Variants in PCSK5 observed in about 807,000 individuals in gnomAD.
PCSK5 encodes proprotein convertase subtilisin/kexin type 5.
A neutral mutation model predicts 233.2 loss-of-function variants in PCSK5; 129 were observed. The ratio of observed to expected loss-of-function variants is 0.55; its 90% confidence interval spans 0.48 to 0.64. PCSK5 has a LOEUF of 0.64. Ranked by LOEUF, PCSK5 falls within the 30% of genes least tolerant of loss-of-function variation. The pLI, the probability that PCSK5 is intolerant of heterozygous loss-of-function variation, is 0.00. For synonymous variants in PCSK5, 825 were observed against 879.2 expected, an observed-to-expected ratio of 0.94 and a Z score of 1.09; for missense variants, 2,076 against 2,430.1, an observed-to-expected ratio of 0.85 and a Z score of 3.06.
At chr9:76,168,221 G>A (rs1191344940) in intron 12 of PCSK5, among the ~76,000 whole-genome samples, 2 of 152,114 alleles carry the variant, frequency 1.3e-5, no homozygotes, top group Non-Finnish European at 2.9e-5. Flanking sequence ...GCATGATCTA[G>A]GCTCACTGCA....
At chr9:76,254,473 TAAA>T (rs76446171) in intron 24 of PCSK5, among the ~76,000 whole-genome samples, 1 of 143,232 alleles carries the variant, frequency 7.0e-6, no homozygotes, top group African/African-American at 2.5e-5. Context: ...AGTCACTATT[TAAA>T]AAAAAAAAAA....
intron 5 of PCSK5, among the ~76,000 whole-genome samples, chr9:76,044,441 T>C (rs1829293832): frequency 6.6e-6 from 1 of 152,186 alleles, no homozygotes; most frequent in African/African-American, 2.4e-5. Flanking sequence ...AAGTCTGATA[T>C]TGGGAAAGAA....
At chr9:76,047,022 A>G (rs1485619036) in intron 5 of PCSK5, among the ~76,000 whole-genome samples, 1 of 152,178 alleles carries the variant, frequency 6.6e-6, no homozygotes, top group East Asian at 1.9e-4. Flanking sequence ...TCTAAGTGTG[A>G]TATCACACCT....
chr9:76,111,874 T>C lies in PCSK5; in HGVS notation c.1208+4523T>C, dbSNP rs182623842. ...GTATATGTTCCCAGTGCTATAGATC[T>C]ATCAGGGGGAAAAAAATAAAAGAGC... On this transcript the variant is annotated intron_variant, in intron 9 of 37. Transcript: ENST00000674117. 7.5e-3 allele frequency among the ~76,000 whole-genome samples: 1,144 copies of C among 152,262 alleles called. 14 individuals are homozygous for C. The highest frequency in any genetic ancestry group is 0.026 in the African/African-American group (1,096 of 41,558).
intron 35 of PCSK5, among the ~76,000 whole-genome samples, chr9:76,344,398 T>A (rs1047175620): frequency 2.6e-5 from 4 of 152,202 alleles, no homozygotes; most frequent in Non-Finnish European, 4.4e-5. Flanking sequence ...TACCATATCA[T>A]GGTTCCCAGT....
At chr9:75,927,997 A>G (rs1383301545) in intron 1 of PCSK5, among the ~76,000 whole-genome samples, 8 of 152,192 alleles carry the variant, frequency 5.3e-5, no homozygotes. Flanking sequence ...GAGATAGGAA[A>G]ATTCTGGGTG....
intron 2 of PCSK5, among the ~76,000 whole-genome samples, chr9:75,973,544 T>C (rs989409792): frequency 6.6e-6 from 1 of 152,174 alleles, no homozygotes; most frequent in Non-Finnish European, 1.5e-5. Flanking sequence ...ATAGCCACTG[T>C]GGGGACTAGA....
intron 16 of PCSK5, 145 bp downstream of exon 16, chr9:76,181,736 T>G: frequency 1.7e-6 from 1 of 589,504 alleles, no homozygotes; most frequent in Non-Finnish European, 3.0e-6. Flanking sequence ...AAGAGAACCC[T>G]TTAGAAGCTT....
chr9:75,972,660 A>G lies in PCSK5; in HGVS notation c.298-13472A>G, dbSNP rs576440451. ...AGCCATTGTGAATGGGAGTTCATTA[A>G]TGATTTAGCTCTCTGCTTGTCTATT... On this transcript the variant is annotated intron_variant, in intron 2 of 37. Transcript: ENST00000674117. Among the ~76,000 whole-genome samples, 12 of 152,282 alleles carry G rather than the reference A, an allele frequency of 7.9e-5. No homozygotes were observed. In the East Asian group the frequency reaches 2.1e-3, roughly 27 times the overall value.
intron 8 of PCSK5, among the ~76,000 whole-genome samples, chr9:76,106,142 T>C (rs969480657): frequency 5.3e-5 from 8 of 152,230 alleles, no homozygotes; most frequent in Admixed American, 1.3e-4. Flanking sequence ...TTCTGGGACC[T>C]TTCATGACCG....
At chr9:76,080,162 T>A (rs940699774) in intron 7 of PCSK5, among the ~76,000 whole-genome samples, 1 of 152,148 alleles carries the variant, frequency 6.6e-6, no homozygotes, top group Non-Finnish European at 1.5e-5. Context: ...CCATTATCTC[T>A]TGAAGGCACT....
At position 76,167,615 on chromosome 9, in the gene PCSK5, A is replaced by G. The variant is rs189733167; in HGVS notation, c.1620-2089A>G. On this transcript the variant is annotated intron_variant, in intron 12 of 37. Transcript: ENST00000674117. ...TTAGAATCCTGCTGGCATTTTAGAA[A>G]GAGCCTCAGACACACTGATAAAATA... Among the ~76,000 whole-genome samples, 342 of 152,336 alleles carry G rather than the reference A, an allele frequency of 2.2e-3. 3 individuals carry two copies. The highest frequency in any genetic ancestry group is 3.9e-3 in the Non-Finnish European group (266 of 68,028).
intron 24 of PCSK5, among the ~76,000 whole-genome samples, chr9:76,282,539 A>T (rs1827915231): frequency 6.6e-6 from 1 of 151,852 alleles, no homozygotes; most frequent in South Asian, 2.1e-4. Flanking sequence ...GCTGATCTCA[A>T]ACTCCTGGGC....
chr9:75,902,214 T>TAAAAAAA (rs200579439), intron 1 of PCSK5, among the ~76,000 whole-genome samples: 707 of 53,142 alleles, frequency 0.013, 26 homozygotes, highest in Non-Finnish European at 0.017. Flanking sequence ...AGACACCATC[T>TAAAAAAA]AAAAAAAAAA....
intron 23 of PCSK5, among the ~76,000 whole-genome samples, chr9:76,239,999 C>A (rs1826380532): frequency 6.6e-6 from 1 of 152,080 alleles, no homozygotes. Flanking sequence ...TTCTGTGAAT[C>A]GTATGTGTTA....
intron 2 of PCSK5, among the ~76,000 whole-genome samples, chr9:75,983,159 T>G (rs1826353464): frequency 6.6e-6 from 1 of 152,200 alleles, no homozygotes; most frequent in Non-Finnish European, 1.5e-5. Flanking sequence ...TGTGTTTTAA[T>G]TATTATAATA....
intron 2 of PCSK5, among the ~76,000 whole-genome samples, chr9:75,954,431 G>C (rs1825005819): frequency 6.6e-6 from 1 of 152,154 alleles, no homozygotes; most frequent in African/African-American, 2.4e-5. Flanking sequence ...CCCGCTCCTA[G>C]TATTAGAGGA....
At chr9:76,289,513 A>AAC (rs1828211833) in intron 24 of PCSK5, among the ~76,000 whole-genome samples, 5 of 75,852 alleles carry the variant, frequency 6.6e-5, no homozygotes, top group South Asian at 4.6e-4. Flanking sequence ...ACACACACGC[A>AAC]ACATACACAC....
Position 76,169,855 on chromosome 9 carries a change from T to C in PCSK5, c.1756+15T>C, listed in dbSNP as rs1823256684. ...TAAGACTCCAGGTGAGAACTCCCTT[T>C]CTATACATTGTTCTACTGTGTAGAA... On this transcript the variant is annotated intron_variant, in intron 13 of 37. Transcript: ENST00000674117. The C allele has an allele frequency of 6.2e-7, 1 of 1,609,350 alleles. No individual in the cohort carries two copies. Among genetic ancestry groups the C allele is most frequent in the South Asian group, 1.1e-5 (1 of 90,962 alleles).
Sources: allele counts gnomAD v4.1 joint callset (sites outside exome capture counted in the v4.1 genomes callset), GRCh38; gene constraint gnomAD v4.1.1; transcripts MANE v1.5; gene names NCBI Gene and HGNC (gene_info 2026-07-23, HGNC 2026-07-21).